The following MFHAS1 variants were observed in gnomAD, a reference collection of about 807,000 sequenced individuals.
MFHAS1 encodes the protein multifunctional ROCO family signaling regulator 1, also known as malignant fibrous histiocytoma-amplified sequence 1.
A neutral mutation model predicts 70.4 loss-of-function variants in MFHAS1; 50 were observed. The observed-to-expected ratio is 0.71, with a 90% CI of 0.57 to 0.90. MFHAS1 has a LOEUF of 0.90. Ranked by LOEUF, MFHAS1 falls within the 40% of genes least tolerant of loss-of-function variation. MFHAS1 has a pLI of 0.00. For synonymous variants in MFHAS1, 952 were observed against 620.0 expected (o/e 1.54, Z -7.96); for missense variants, 1,795 against 1,347.6 (o/e 1.33, Z -5.20).
chr8:8,826,185 G>A (rs1287108278), intron 1 of MFHAS1, among the ~76,000 whole-genome samples: 1 of 151,900 alleles, frequency 6.6e-6, no homozygotes, highest in African/African-American at 2.4e-5. Flanking sequence ...CTATTCCACA[G>A]AGGTAACTAC....
chr8:8,799,005 G>A (rs978025402), intron 1 of MFHAS1, among the ~76,000 whole-genome samples: 33 of 151,406 alleles, frequency 2.2e-4, no homozygotes, highest in Non-Finnish European at 1.0e-4. Flanking sequence ...CCCAGATTGC[G>A]CCACTGCACT....
chr8:8,870,445 G>C (rs933905486), intron 1 of MFHAS1, among the ~76,000 whole-genome samples: 1 of 152,110 alleles, frequency 6.6e-6, no homozygotes, highest in African/African-American at 2.4e-5. Flanking sequence ...CAGCCTAAAT[G>C]ACAGAGCAAG....
At chr8:8,816,240 G>A (rs1365845992) in intron 1 of MFHAS1, among the ~76,000 whole-genome samples, 2 of 152,162 alleles carry the variant, frequency 1.3e-5, no homozygotes, top group Non-Finnish European at 2.9e-5. Flanking sequence ...GATTTTATGG[G>A]TGTATGTATA....
At chr8:8,852,460 C>A (rs1004991939) in intron 1 of MFHAS1, among the ~76,000 whole-genome samples, 14 of 143,750 alleles carry the variant, frequency 9.7e-5, no homozygotes, top group African/African-American at 3.6e-4. Flanking sequence ...CAAAGCGAGA[C>A]CCTCTCTCAA....
At chr8:8,863,789 A>G (rs1808753263) in intron 1 of MFHAS1, among the ~76,000 whole-genome samples, 1 of 152,152 alleles carries the variant, frequency 6.6e-6, no homozygotes, top group Admixed American at 6.5e-5. Flanking sequence ...GCAGTTTCTA[A>G]TGAGCTTAGA....
At chr8:8,841,161 G>A (rs557652203) in intron 1 of MFHAS1, among the ~76,000 whole-genome samples, 18 of 152,226 alleles carry the variant, frequency 1.2e-4, no homozygotes, top group Middle Eastern at 3.4e-3. Context: ...TAAAAATACC[G>A]ATGGCGGGCT....
rs1283822525 is a variant in MFHAS1 at position 8,891,930 on chromosome 8, G to C, written c.1129C>G (p.Leu377Val). 1 of 1,611,048 alleles carries C rather than the reference G, an allele frequency of 6.2e-7. No individual in the cohort carries two copies. The highest frequency in any genetic ancestry group is 2.2e-5 in the East Asian group (1 of 44,848). The change falls in exon 1 of 3, where the codon CTG becomes GTG. Residue 377 changes from leucine to valine, a missense_variant. By Grantham distance (32) the Leu-to-Val change is conservative. Coordinates refer to ENST00000276282, the MANE Select transcript of MFHAS1 (RefSeq NM_004225.3). This position sits in a 1 kb window ranked among gnomAD's most constrained non-coding sequence, Gnocchi z 5.4. ...CAGACCTCGTAGGGGGGCTGGATCA[G>C]TGGGTTGTCTTTGATCTTCCACAAA... ...VGLWKIKDNP[L>V]IQPPYEVCMK... is the part of the protein sequence containing the mutation.
intron 1 of MFHAS1, among the ~76,000 whole-genome samples, chr8:8,803,484 T>C (rs1180165932): frequency 6.9e-6 from 1 of 145,180 alleles, no homozygotes; most frequent in African/African-American, 2.6e-5. Context: ...ACCACTGCAC[T>C]CCAGCCTGGG....
chr8:8,854,351 C>G (rs1302930266), intron 1 of MFHAS1, among the ~76,000 whole-genome samples: 1 of 152,154 alleles, frequency 6.6e-6, no homozygotes, highest in Non-Finnish European at 1.5e-5. Flanking sequence ...GAAACCCCGT[C>G]TCTACTAAAA....
intron 1 of MFHAS1, among the ~76,000 whole-genome samples, chr8:8,854,426 C>A (rs1173380575): frequency 3.3e-5 from 5 of 151,950 alleles, no homozygotes; most frequent in African/African-American, 1.2e-4. Context: ...GAGGCTGAGG[C>A]AGGATAATGG....
intron 1 of MFHAS1, among the ~76,000 whole-genome samples, chr8:8,801,711 A>G (rs557347278): frequency 3.7e-4 from 57 of 152,334 alleles, no homozygotes; most frequent in African/African-American, 1.4e-3. Context: ...GTAACTAACT[A>G]TTGAGACCTT....
At chr8:8,814,370 G>A (rs1806659429) in intron 1 of MFHAS1, among the ~76,000 whole-genome samples, 1 of 152,218 alleles carries the variant, frequency 6.6e-6, no homozygotes. Context: ...TAGCCCAAGA[G>A]CAATAGGCTA....
At chr8:8,799,823 A>G (rs935360906) in intron 1 of MFHAS1, among the ~76,000 whole-genome samples, 8 of 152,260 alleles carry the variant, frequency 5.3e-5, no homozygotes, top group Admixed American at 5.2e-4. Context: ...CCACACTGAT[A>G]GCGCAGGCCC....
intron 1 of MFHAS1, among the ~76,000 whole-genome samples, chr8:8,805,337 C>T (rs1399984722): frequency 1.3e-5 from 2 of 152,154 alleles, no homozygotes; most frequent in Non-Finnish European, 2.9e-5. Flanking sequence ...GGAAGCCTTA[C>T]CAATAATGTA....
At chr8:8,864,281 A>G (rs530530178) in intron 1 of MFHAS1, among the ~76,000 whole-genome samples, 3 of 152,286 alleles carry the variant, frequency 2.0e-5, no homozygotes, top group African/African-American at 7.2e-5. Context: ...TTCTGCCCCT[A>G]TGCTCAACCA....
intron 1 of MFHAS1, among the ~76,000 whole-genome samples, chr8:8,855,021 C>T (rs1808384066): frequency 6.6e-6 from 1 of 152,106 alleles, no homozygotes; most frequent in African/African-American, 2.4e-5. Flanking sequence ...GTGATTCTCC[C>T]ATCTCAGCCT....
chr8:8,856,446 G>A (rs1441057068), intron 1 of MFHAS1, among the ~76,000 whole-genome samples: 2 of 152,166 alleles, frequency 1.3e-5, no homozygotes, highest in Non-Finnish European at 2.9e-5. Flanking sequence ...GGGATGGTGT[G>A]TACATATTTC....
intron 1 of MFHAS1, among the ~76,000 whole-genome samples, chr8:8,823,290 T>C (rs1421982075): frequency 1.3e-5 from 2 of 152,208 alleles, no homozygotes; most frequent in African/African-American, 4.8e-5. Flanking sequence ...AGCCTTGCTT[T>C]CAGATGAATA....
At chr8:8,802,631 G>T (rs76702427) in intron 1 of MFHAS1, among the ~76,000 whole-genome samples, 20,792 of 152,178 alleles carry the variant, frequency 0.14, 1,882 homozygotes, top group Non-Finnish European at 0.2. Flanking sequence ...GAAGGGTAGG[G>T]TATGGAGCAG....
Sources: gnomAD v4.1 joint callset for allele counts (sites outside exome capture counted in the v4.1 genomes callset) on GRCh38, gnomAD v4.1.1 for gene constraint, Gnocchi (gnomAD v3.1) non-coding constraint, MANE v1.5 for transcripts, NCBI Gene and HGNC (gene_info 2026-07-23, HGNC 2026-07-21) for gene names.